The following MRPL1 variants were observed in gnomAD, a reference collection of about 807,000 sequenced individuals.
MRPL1 encodes mitochondrial ribosomal protein L1, also known as large ribosomal subunit protein uL1m.
A neutral mutation model predicts 38.0 loss-of-function variants in MRPL1; 28 were observed. The ratio of observed to expected loss-of-function variants is 0.74; its 90% confidence interval spans 0.55 to 1.01. The LOEUF is 1.01. Ranked by LOEUF, MRPL1 falls within the 50% of genes least tolerant of loss-of-function variation. The pLI, the probability that MRPL1 is intolerant of heterozygous loss-of-function variation, is 0.00. For missense variants in MRPL1, 358 were observed against 389.8 expected (o/e 0.92, Z 0.69); for synonymous variants, 123 against 126.7 (o/e 0.97, Z 0.20).
chr4:77,880,226 G>C (rs992687037), intron 2 of MRPL1, among the ~76,000 whole-genome samples: 1 of 152,090 alleles, frequency 6.6e-6, no homozygotes, highest in Non-Finnish European at 1.5e-5. Flanking sequence ...TTATTTTCTG[G>C]AGGCTCTAGG....
At chr4:77,892,333 G>A (rs1012565500) in intron 5 of MRPL1, among the ~76,000 whole-genome samples, 4 of 151,800 alleles carry the variant, frequency 2.6e-5, no homozygotes, top group East Asian at 1.9e-4. Flanking sequence ...GGGTTTCACC[G>A]TGTTGGCCAG....
intron 7 of MRPL1, among the ~76,000 whole-genome samples, chr4:77,918,010 C>T (rs1457454416): frequency 1.3e-5 from 2 of 149,490 alleles, no homozygotes; most frequent in African/African-American, 2.5e-5. Context: ...AGCCGAGATG[C>T]GCCACTGCAC....
Position 77,894,041 on chromosome 4 carries a change from G to A in MRPL1, c.559-98G>A, listed in dbSNP as rs547013839. On this transcript the variant is annotated intron_variant, in intron 5 of 8. Coordinates refer to ENST00000315567, the MANE Select transcript of MRPL1 (RefSeq NM_020236.4). ...AAGAAAAGAATTGTGCTTAATGTCTGTTTTCTGAATTATAAAGGAAATGAC... is the reference window on the plus strand; with the variant it reads ...AAGAAAAGAATTGTGCTTAATGTCTATTTTCTGAATTATAAAGGAAATGAC... The A allele has an allele frequency of 3.9e-5, 28 of 718,848 alleles. No homozygotes were observed. In the African/African-American group the frequency reaches 4.4e-4, roughly 11 times the overall value. The allele number at this position is 718,848 out of a possible 1,614,324, so 44.5% of individuals were successfully genotyped here. A position where few individuals can be genotyped will look rare whatever the true frequency, so the allele number is the denominator to read the frequency against.
At chr4:77,872,811 C>T (rs578078612) in intron 2 of MRPL1, among the ~76,000 whole-genome samples, 1 of 151,996 alleles carries the variant, frequency 6.6e-6, no homozygotes, top group Non-Finnish European at 1.5e-5. Flanking sequence ...TGCAGCAAGC[C>T]GAGATCGCAC....
intron 7 of MRPL1, among the ~76,000 whole-genome samples, chr4:77,914,584 G>A (rs749641029): frequency 1.1e-4 from 16 of 152,076 alleles, no homozygotes; most frequent in Admixed American, 6.6e-4. Flanking sequence ...TAATTGTTTC[G>A]TAAATTTTAT....
chr4:77,886,286 G>C (rs1735673819), intron 4 of MRPL1, among the ~76,000 whole-genome samples: 1 of 152,086 alleles, frequency 6.6e-6, no homozygotes, highest in Non-Finnish European at 1.5e-5. Flanking sequence ...TCCTGCCTCA[G>C]CCTACTGAGT....
At chr4:77,916,759 T>C (rs1736432617) in intron 7 of MRPL1, among the ~76,000 whole-genome samples, 1 of 152,208 alleles carries the variant, frequency 6.6e-6, no homozygotes, top group Non-Finnish European at 1.5e-5. Flanking sequence ...TCCCGATTTT[T>C]GCTATTGCAA....
At position 77,931,617 on chromosome 4, in the gene MRPL1, C is replaced by T. The variant is rs1158149754; in HGVS notation, c.778-18180C>T. On this transcript the variant is annotated intron_variant, in intron 7 of 8. Coordinates refer to ENST00000315567, the MANE Select transcript of MRPL1 (RefSeq NM_020236.4). ...ATATTATGTGTACTTTTGTTGCCAA[C>T]CATTACCACAGCTGCAGAACTATTC... Among the ~76,000 whole-genome samples the T allele has an allele frequency of 2.6e-5, 4 of 152,186 alleles. No homozygotes were observed. In the South Asian group the frequency reaches 8.3e-4, roughly 31 times the overall value.
chr4:77,907,713 C>T (rs529615748), intron 6 of MRPL1, among the ~76,000 whole-genome samples: 17 of 151,908 alleles, frequency 1.1e-4, no homozygotes, highest in East Asian at 3.9e-4. Flanking sequence ...TACAGGCATG[C>T]GCCACCACCT....
At chr4:77,934,578 T>G (rs1409728606) in intron 7 of MRPL1, among the ~76,000 whole-genome samples, 1 of 152,218 alleles carries the variant, frequency 6.6e-6, no homozygotes, top group East Asian at 1.9e-4. Context: ...AACTCTTATT[T>G]ATTGCTAATG....
At chr4:77,936,036 G>T (rs1341697505) in intron 7 of MRPL1, among the ~76,000 whole-genome samples, 1 of 151,702 alleles carries the variant, frequency 6.6e-6, no homozygotes, top group Non-Finnish European at 1.5e-5. Flanking sequence ...TTTATTAAGA[G>T]GTAATAAATG....
At chr4:77,907,892 C>CTTTTTT (rs537450784) in intron 6 of MRPL1, among the ~76,000 whole-genome samples, 1 of 139,170 alleles carries the variant, frequency 7.2e-6, no homozygotes, top group Non-Finnish European at 1.6e-5. Context: ...CTTTTCTTTT[C>CTTTTTT]TTTTTTTTTT....
chr4:77,920,668 T>C (rs1736547919), intron 7 of MRPL1, among the ~76,000 whole-genome samples: 1 of 152,198 alleles, frequency 6.6e-6, no homozygotes, highest in African/African-American at 2.4e-5. Context: ...AATTAGCACA[T>C]ACTTTTATGT....
At chr4:77,920,964 C>T (rs947037721) in intron 7 of MRPL1, among the ~76,000 whole-genome samples, 1 of 152,068 alleles carries the variant, frequency 6.6e-6, no homozygotes, top group Non-Finnish European at 1.5e-5. Context: ...GGGGTTTCAC[C>T]AGGTTGGCCA....
intron 7 of MRPL1, among the ~76,000 whole-genome samples, chr4:77,909,871 T>C (rs1048430603): frequency 2.6e-5 from 4 of 152,214 alleles, no homozygotes; most frequent in African/African-American, 9.6e-5. Context: ...CCAAAGCCAT[T>C]TTTAGGATAC....
intron 1 of MRPL1, among the ~76,000 whole-genome samples, chr4:77,867,454 A>G (rs140061846): frequency 1.6e-3 from 251 of 152,390 alleles, no homozygotes; most frequent in African/African-American, 5.2e-3. Context: ...TAGGTATACA[A>G]TGCTGAACAA....
At chr4:77,922,500 A>C (rs1027407667) in intron 7 of MRPL1, among the ~76,000 whole-genome samples, 15 of 152,226 alleles carry the variant, frequency 9.9e-5, no homozygotes, top group Non-Finnish European at 2.1e-4. Context: ...TCACTGCTGT[A>C]TTGGCAGTAG....
chr4:77,874,500 T>A (rs975346908), intron 2 of MRPL1, among the ~76,000 whole-genome samples: 3 of 152,188 alleles, frequency 2.0e-5, no homozygotes, highest in Non-Finnish European at 4.4e-5. Context: ...ATAATGAATA[T>A]GTTTGTAGCA....
intron 2 of MRPL1, among the ~76,000 whole-genome samples, chr4:77,872,252 A>G (rs557636273): frequency 7.2e-4 from 110 of 152,258 alleles, no homozygotes; most frequent in African/African-American, 2.6e-3. Flanking sequence ...CCTTTTTAGA[A>G]CAGAACCCAC....
Sources: allele counts gnomAD v4.1 joint callset (sites outside exome capture counted in the v4.1 genomes callset), GRCh38; gene constraint gnomAD v4.1.1; transcripts MANE v1.5; gene names NCBI Gene and HGNC (gene_info 2026-07-23, HGNC 2026-07-21).